Variants in GNG12 observed in about 807,000 individuals in gnomAD.
The protein encoded by GNG12 is guanine nucleotide-binding protein G(I)/G(S)/G(O) subunit gamma-12.
For synonymous variants in GNG12, 28 were observed against 29.7 expected (o/e 0.94, Z 0.19); for missense variants, 69 against 83.8 (o/e 0.82, Z 0.69).
chr1:67,748,943 C>G (rs1031934607), intron 2 of GNG12, among the ~76,000 whole-genome samples: 4 of 151,882 alleles, frequency 2.6e-5, no homozygotes, highest in Non-Finnish European at 5.9e-5. Context: ...CTCTCCCTTT[C>G]GGTTGGCCAA....
In GNG12 at chr1:67,792,203, T is replaced by C. The variant is rs1646805373; in HGVS notation, c.-76-14696A>G. ...AATTATTCCCTCTCCTTCACTGGAATGTCAATGCCGTAAGAAAAGGATGTT... is the reference window on the plus strand; with the variant it reads ...AATTATTCCCTCTCCTTCACTGGAACGTCAATGCCGTAAGAAAAGGATGTT... On this transcript the variant is annotated intron_variant, in intron 1 of 3. Transcript: ENST00000370982. Among the ~76,000 whole-genome samples the C allele has an allele frequency of 2.7e-5, 4 of 149,408 alleles. No homozygotes were observed. In the East Asian group the frequency reaches 6.2e-4, roughly 23 times the overall value.
At chr1:67,707,544 A>C in intron 3 of GNG12, 50 bp downstream of exon 3, 1 of 962,588 alleles carries the variant, frequency 1.0e-6, no homozygotes, top group Non-Finnish European at 1.7e-6. Flanking sequence ...GCCACAAGGA[A>C]CAGGGGGAAC....
chr1:67,764,028 T>C (rs1646621753), intron 2 of GNG12, among the ~76,000 whole-genome samples: 1 of 152,224 alleles, frequency 6.6e-6, no homozygotes, highest in Non-Finnish European at 1.5e-5. Flanking sequence ...TGCCTCTGAA[T>C]ATATTCCTTT....
chr1:67,720,834 C>A (rs1646352576), intron 2 of GNG12, among the ~76,000 whole-genome samples: 1 of 152,162 alleles, frequency 6.6e-6, no homozygotes, highest in Non-Finnish European at 1.5e-5. Context: ...TTCTGACATC[C>A]CATGCATATA....
At chr1:67,787,035 A>ATGTGTGTGTGTGTG (rs1553158942) in intron 1 of GNG12, among the ~76,000 whole-genome samples, 2 of 36,154 alleles carry the variant, frequency 5.5e-5, no homozygotes, top group South Asian at 1.1e-3. Flanking sequence ...GTATGTGTAT[A>ATGTGTGTGTGTGTG]AGTGTGTGTG....
At chr1:67,753,724 C>T (rs992651901) in intron 2 of GNG12, among the ~76,000 whole-genome samples, 1 of 152,190 alleles carries the variant, frequency 6.6e-6, no homozygotes, top group African/African-American at 2.4e-5. Context: ...CTAAAGTGTT[C>T]GGTCAGTGGT....
At chr1:67,764,588 T>C (rs1475170514) in intron 2 of GNG12, among the ~76,000 whole-genome samples, 1 of 152,216 alleles carries the variant, frequency 6.6e-6, no homozygotes, top group Non-Finnish European at 1.5e-5. Context: ...GGACCATTAA[T>C]GAATGAGACT....
At chr1:67,732,488 A>G (rs1245029778) in intron 2 of GNG12, among the ~76,000 whole-genome samples, 1 of 152,246 alleles carries the variant, frequency 6.6e-6, no homozygotes, top group Non-Finnish European at 1.5e-5. Flanking sequence ...TACTTTAAAT[A>G]CTGCAAAGAA....
At chr1:67,737,495 T>C (rs537914669) in intron 2 of GNG12, among the ~76,000 whole-genome samples, 4 of 152,314 alleles carry the variant, frequency 2.6e-5, no homozygotes, top group African/African-American at 7.2e-5. Context: ...GTTAGTTGGT[T>C]AACTGTGTAA....
At chr1:67,825,588 G>A (rs1354226384) in intron 1 of GNG12, among the ~76,000 whole-genome samples, 1 of 152,076 alleles carries the variant, frequency 6.6e-6, no homozygotes, top group Non-Finnish European at 1.5e-5. Context: ...CTGAGTTTGT[G>A]GTACCTTTGA....
rs59348663 is a variant in GNG12, at chr1:67,766,106, G to GCACACACACACACA, written c.-27+11338_-27+11351dup. ...AACTCAAACAAAACAAGGCACACAC[G>GCACACACACACACA]CACACACACACACACACACACACAC... is the stretch of plus-strand genomic sequence containing the variant. On this transcript the variant is annotated intron_variant, in intron 2 of 3. Transcript: ENST00000370982. Among the ~76,000 whole-genome samples, 246 of 139,922 alleles carry GCACACACACACACA rather than the reference G, an allele frequency of 1.8e-3. 1 individual carries two copies. Among genetic ancestry groups the GCACACACACACACA allele is most frequent in the South Asian group, 2.8e-3 (12 of 4,280 alleles). The allele number at this position is 139,922 out of a possible 152,430, so 91.8% of individuals were successfully genotyped here. A position where few individuals can be genotyped will look rare whatever the true frequency, so the allele number is the denominator to read the frequency against.
At chr1:67,779,756 G>A (rs72924703) in intron 1 of GNG12, among the ~76,000 whole-genome samples, 12,539 of 152,150 alleles carry the variant, frequency 0.082, 640 homozygotes, top group African/African-American at 0.12. Context: ...AGGGGGATGC[G>A]TTCTGAGAAA....
chr1:67,772,717 G>C (rs1158164691), intron 2 of GNG12: 2 of 152,140 alleles, frequency 1.3e-5, no homozygotes, highest in Non-Finnish European at 2.9e-5. Context: ...CTCTCTCATG[G>C]GACACATGAA....
chr1:67,742,207 CAA>C (rs1646486549), intron 2 of GNG12, among the ~76,000 whole-genome samples: 1 of 152,176 alleles, frequency 6.6e-6, no homozygotes, highest in Admixed American at 6.5e-5. Flanking sequence ...ACAACATTCA[CAA>C]AAAGACTCAT....
At chr1:67,820,979 C>A (rs1646981541) in intron 1 of GNG12, among the ~76,000 whole-genome samples, 1 of 152,188 alleles carries the variant, frequency 6.6e-6, no homozygotes, top group African/African-American at 2.4e-5. Context: ...CAGTTAACAT[C>A]TGAGCACTTA....
intron 1 of GNG12, among the ~76,000 whole-genome samples, chr1:67,824,127 A>G (rs553967975): frequency 1.3e-5 from 2 of 152,344 alleles, no homozygotes; most frequent in South Asian, 2.1e-4. Flanking sequence ...TGCTACTTGC[A>G]GAGAATATGG....
At chr1:67,787,032 TATAA>T (rs1205595083) in intron 1 of GNG12, among the ~76,000 whole-genome samples, 2 of 104,292 alleles carry the variant, frequency 1.9e-5, no homozygotes, top group Non-Finnish European at 3.9e-5. Flanking sequence ...TATGTATGTG[TATAA>T]GTGTGTGTGT....
chr1:67,820,451 T>C (rs1370432199), intron 1 of GNG12, among the ~76,000 whole-genome samples: 2 of 151,340 alleles, frequency 1.3e-5, no homozygotes, highest in African/African-American at 4.9e-5. Flanking sequence ...AGGGCCTTTG[T>C]CCACAAAAAA....
At chr1:67,791,225 C>T (rs1177011472) in intron 1 of GNG12, among the ~76,000 whole-genome samples, 2 of 152,140 alleles carry the variant, frequency 1.3e-5, no homozygotes, top group African/African-American at 2.4e-5. Flanking sequence ...AATTCACACT[C>T]ATTTCTGATA....
Sources: gnomAD v4.1 joint callset for allele counts (sites outside exome capture counted in the v4.1 genomes callset) on GRCh38, gnomAD v4.1.1 for gene constraint, MANE v1.5 for transcripts, NCBI Gene and HGNC (gene_info 2026-07-23, HGNC 2026-07-21) for gene names.